Variants in DOCK4 observed in about 807,000 individuals in gnomAD.
DOCK4 encodes dedicator of cytokinesis 4, also known as dedicator of cytokinesis protein 4.
A neutral mutation model predicts 268.1 loss-of-function variants in DOCK4; 97 were observed. The observed-to-expected ratio is 0.36, with a 90% CI of 0.31 to 0.43. The LOEUF is 0.43. Among genes scored for constraint, DOCK4 ranks in the 20% least tolerant of loss-of-function variants. The pLI is 1.00. For synonymous variants in DOCK4, 954 were observed against 887.2 expected, an observed-to-expected ratio of 1.08 and a Z score of -1.34; for missense variants, 2,145 against 2,455.7, an observed-to-expected ratio of 0.87 and a Z score of 2.67.
chr7:111,847,470 GGTTGT>G (rs1360794458), intron 23 of DOCK4, among the ~76,000 whole-genome samples: 1 of 149,814 alleles, frequency 6.7e-6, no homozygotes, highest in African/African-American at 2.5e-5. Context: ...AAGAGGACTT[GGTTGT>G]TTTTTTTTTT....
intron 1 of DOCK4, among the ~76,000 whole-genome samples, chr7:112,008,512 C>T (rs58674185): frequency 0.01 from 1,529 of 152,218 alleles, 25 homozygotes; most frequent in African/African-American, 0.034. Flanking sequence ...AACACAACTC[C>T]TAATTTTCTA....
chr7:112,074,475 G>T (rs937828360), intron 1 of DOCK4, among the ~76,000 whole-genome samples: 6 of 152,090 alleles, frequency 3.9e-5, no homozygotes, highest in African/African-American at 1.4e-4. Flanking sequence ...CTGTGATGCT[G>T]GGCTAACAAT....
chr7:111,786,418 A>G (rs1025406772), intron 32 of DOCK4, among the ~76,000 whole-genome samples: 6 of 152,202 alleles, frequency 3.9e-5, no homozygotes, highest in Admixed American at 3.9e-4. Context: ...TATTCTGGAT[A>G]TTGCATGTTG....
intron 29 of DOCK4, among the ~76,000 whole-genome samples, 155 bp downstream of exon 29, chr7:111,809,146 T>A (rs1003334220): frequency 2.0e-5 from 3 of 152,206 alleles, no homozygotes; most frequent in Admixed American, 6.5e-5. Context: ...ATGTTTGAAA[T>A]ATCAAAACAT....
intron 8 of DOCK4, among the ~76,000 whole-genome samples, chr7:111,957,167 T>C (rs1461178197): frequency 1.3e-5 from 2 of 152,120 alleles, no homozygotes; most frequent in South Asian, 4.1e-4. Flanking sequence ...AAAGAAATCT[T>C]TGGTACTGAA....
In DOCK4 at chr7:111,728,304, C is replaced by T; in HGVS notation, c.5898G>A (p.Arg1966=). The T allele has an allele frequency of 6.6e-7, 1 of 1,509,152 alleles. No individual in the cohort carries two copies. The highest frequency in any genetic ancestry group is 8.9e-7 in the Non-Finnish European group (1 of 1,129,868). The allele number at this position is 1,509,152 out of a possible 1,614,324, so 93.5% of individuals were successfully genotyped here. The change falls in exon 53 of 53, where the codon AGG becomes AGA. Residue 1966 remains arginine (R), a synonymous_variant. Coordinates refer to ENST00000428084, the MANE Select transcript of DOCK4 (RefSeq NM_001363540.2). ...ARRTDPGPRP[R]PLPRKVSQL ...ACTGAGAGACCTTGCGGGGCAGGGGCCTGGGCCGCGGGCCGGGGTCAGTCC... is the reference window on the plus strand; with the variant it reads ...ACTGAGAGACCTTGCGGGGCAGGGGTCTGGGCCGCGGGCCGGGGTCAGTCC...
chr7:111,779,861 T>C (rs1007520299), intron 35 of DOCK4, among the ~76,000 whole-genome samples: 2 of 152,242 alleles, frequency 1.3e-5, no homozygotes, highest in South Asian at 2.1e-4. Context: ...AAACAAGACA[T>C]GTTTAGTGAA....
At chr7:111,851,495 C>T (rs188801237) in intron 23 of DOCK4, among the ~76,000 whole-genome samples, 30 of 151,318 alleles carry the variant, frequency 2.0e-4, no homozygotes, top group Non-Finnish European at 1.0e-4. Flanking sequence ...GAAGAAAATC[C>T]TAGTGACTCT....
chr7:111,782,718 G>T, intron 35 of DOCK4, 146 bp downstream of exon 35: 1 of 837,990 alleles, frequency 1.2e-6, no homozygotes, highest in Non-Finnish European at 1.9e-6. Context: ...AGCTCACTAT[G>T]CTTCTCTTAA....
chr7:111,985,375 C>T (rs945223113), intron 6 of DOCK4, among the ~76,000 whole-genome samples: 1 of 152,216 alleles, frequency 6.6e-6, no homozygotes, highest in Non-Finnish European at 1.5e-5. Context: ...CTGAGGATCA[C>T]TTGTTCTAAA....
intron 1 of DOCK4, among the ~76,000 whole-genome samples, chr7:112,112,478 C>T (rs1811754696): frequency 6.6e-6 from 1 of 151,984 alleles, no homozygotes; most frequent in African/African-American, 2.4e-5. Context: ...CCCATCTCTA[C>T]TAAAAATACA....
At chr7:111,915,700 A>C (rs1792521157) in intron 13 of DOCK4, 79 bp downstream of exon 13, 17 of 1,507,764 alleles carry the variant, frequency 1.1e-5, no homozygotes, top group Non-Finnish European at 1.2e-5. Context: ...CAAAGCTGGC[A>C]ATTTGAAAAA....
chr7:111,747,050 ACAC>A (rs1449260645), intron 43 of DOCK4, among the ~76,000 whole-genome samples: 2 of 152,072 alleles, frequency 1.3e-5, no homozygotes, highest in Admixed American at 6.6e-5. Flanking sequence ...ACACACACAC[ACAC>A]ATTTTTATTA....
At chr7:111,826,616 G>A (rs1053510645) in intron 26 of DOCK4, among the ~76,000 whole-genome samples, 4 of 152,136 alleles carry the variant, frequency 2.6e-5, no homozygotes, top group Non-Finnish European at 5.9e-5. Context: ...ATTATCCTAA[G>A]TGAATTAACA....
At chr7:112,163,959 T>C (rs1336437832) in intron 1 of DOCK4, among the ~76,000 whole-genome samples, 1 of 152,180 alleles carries the variant, frequency 6.6e-6, no homozygotes. Flanking sequence ...TTTTAGTCCC[T>C]GAGAAGACAG....
At chr7:112,021,545 G>A (rs918450712) in intron 1 of DOCK4, among the ~76,000 whole-genome samples, 4 of 152,110 alleles carry the variant, frequency 2.6e-5, no homozygotes, top group African/African-American at 9.7e-5. Flanking sequence ...CCTTCCCATG[G>A]GCAAGTCAGA....
Position 111,808,812 on chromosome 7 carries a change from C to A in DOCK4, c.3166+9G>T. 2.5e-6 allele frequency: 4 copies of A among 1,610,976 alleles called. No homozygotes were observed. Among genetic ancestry groups the A allele is most frequent in the Non-Finnish European group, 3.4e-6 (4 of 1,178,560 alleles). The stretch of plus-strand genomic sequence containing the variant: ...TATAGTAGATGTGGCTTCTCTTTTC[C>A]TCACTTACCTAGGTTTTGCCACATG... On this transcript the variant is annotated intron_variant, in intron 30 of 52. Coordinates refer to ENST00000428084, the MANE Select transcript of DOCK4 (RefSeq NM_001363540.2).
chr7:111,771,353 T>G (rs1015223883), intron 36 of DOCK4, among the ~76,000 whole-genome samples: 1 of 152,206 alleles, frequency 6.6e-6, no homozygotes, highest in Non-Finnish European at 1.5e-5. Flanking sequence ...ATGAGCAAGA[T>G]GCATTGTGGT....
intron 13 of DOCK4, among the ~76,000 whole-genome samples, chr7:111,905,545 G>A (rs564411175): frequency 1.9e-4 from 29 of 152,264 alleles, no homozygotes; most frequent in African/African-American, 3.1e-4. Context: ...AAGAGTTTCC[G>A]TCAGTAGTTG....
Sources: allele counts gnomAD v4.1 joint callset (sites outside exome capture counted in the v4.1 genomes callset), GRCh38; gene constraint gnomAD v4.1.1; transcripts MANE v1.5; gene names NCBI Gene and HGNC (gene_info 2026-07-23, HGNC 2026-07-21).